Variants in WDR88 observed in about 807,000 individuals in gnomAD.
WDR88 encodes WD repeat domain 88, also known as WD repeat-containing protein 88.
WDR88 carries 40 observed loss-of-function variants against 46.8 expected under a neutral mutation model. The ratio of observed to expected loss-of-function variants is 0.86; its 90% CI spans 0.66 to 1.11. WDR88 has a LOEUF of 1.11. Among genes scored for constraint, WDR88 ranks in the 50% most tolerant of loss-of-function variants. The pLI, the probability that WDR88 is intolerant of heterozygous loss-of-function variation, is 0.00. For missense variants in WDR88, 562 were observed against 602.4 expected (o/e 0.93, Z 0.70); for synonymous variants, 235 against 240.7 (o/e 0.98, Z 0.22).
chr19:33,161,872 T>TGG (rs1353783985), intron 8 of WDR88, among the ~76,000 whole-genome samples: 1 of 152,154 alleles, frequency 6.6e-6, no homozygotes, highest in East Asian at 1.9e-4. Flanking sequence ...GGCTGAGGCA[T>TGG]AAGAATCTCT....
intron 1 of WDR88, among the ~76,000 whole-genome samples, chr19:33,135,566 T>C (rs1318288501): frequency 6.6e-6 from 1 of 151,938 alleles, no homozygotes; most frequent in Admixed American, 6.6e-5. Context: ...TACAGGCATG[T>C]GCCACCATGC....
chr19:33,165,901 CAAAAA>C (rs34888884), intron 9 of WDR88, among the ~76,000 whole-genome samples: 5 of 109,160 alleles, frequency 4.6e-5, no homozygotes, highest in African/African-American at 1.2e-4. Flanking sequence ...AACTCTGTCT[CAAAAA>C]AAAAAAAAAA....
intron 1 of WDR88, among the ~76,000 whole-genome samples, chr19:33,134,175 C>G (rs1234441099): frequency 6.6e-6 from 1 of 152,122 alleles, no homozygotes; most frequent in African/African-American, 2.4e-5. Context: ...ACCCCTTTAC[C>G]TAGTGGATCC....
chr19:33,164,342 A>G, intron 9 of WDR88, 77 bp downstream of exon 9: 2 of 1,427,872 alleles, frequency 1.4e-6, no homozygotes, highest in Non-Finnish European at 2.0e-6. Flanking sequence ...GCCAAGTATA[A>G]AATTCCTGGG....
chr19:33,148,736 G>A, intron 4 of WDR88, 36 bp from the exon 5 acceptor site: 1 of 1,613,678 alleles, frequency 6.2e-7, no homozygotes. Flanking sequence ...ACCACACCTG[G>A]CTTAAAACAA....
chr19:33,167,968 T>C (rs963098328), intron 9 of WDR88, among the ~76,000 whole-genome samples: 7 of 151,758 alleles, frequency 4.6e-5, no homozygotes, highest in Non-Finnish European at 8.8e-5. Flanking sequence ...TCTGCCCACC[T>C]TGGCCTCTCA....
chr19:33,147,570 T>C, intron 3 of WDR88, 75 bp from the exon 4 acceptor site: 1 of 1,476,394 alleles, frequency 6.8e-7, no homozygotes, highest in South Asian at 1.2e-5. Context: ...ACCACTGCAC[T>C]CCAGCTGGGG....
intron 2 of WDR88, among the ~76,000 whole-genome samples, chr19:33,140,187 C>T (rs146721633): frequency 0.014 from 2,141 of 152,284 alleles, 52 homozygotes; most frequent in African/African-American, 0.049. Context: ...CAGAGTCTTT[C>T]TCTGTCACCC....
At chr19:33,155,569 G>A (rs1290008677) in intron 6 of WDR88, among the ~76,000 whole-genome samples, 1 of 152,168 alleles carries the variant, frequency 6.6e-6, no homozygotes, top group Non-Finnish European at 1.5e-5. Flanking sequence ...AGAGGAGTAA[G>A]TAAGAGAGGG....
In WDR88 at chr19:33,132,248, G is replaced by A. The variant is rs1220216842; in HGVS notation, c.79G>A (p.Glu27Lys). 1 of 1,612,476 alleles carries A rather than the reference G, an allele frequency of 6.2e-7. No individual in the cohort carries two copies. The highest frequency in any genetic ancestry group is 2.2e-5 in the East Asian group (1 of 44,866). The change falls in exon 1 of 11, where the codon GAG becomes AAG. Residue 27 changes from glutamate to lysine, a missense_variant. Transcript: ENST00000355868. ...KLPPPSAPAS[E>K]YCPGKLSWGT... Reference sequence around the variant, plus strand: ...GCCGCCACCCTCCGCCCCCGCCAGCGAGTATTGTCCCGGCAAGCTGTCCTG... The same window carrying A: ...GCCGCCACCCTCCGCCCCCGCCAGCAAGTATTGTCCCGGCAAGCTGTCCTG...
intron 3 of WDR88, among the ~76,000 whole-genome samples, chr19:33,147,310 A>G (rs1209664585): frequency 1.3e-5 from 2 of 151,872 alleles, no homozygotes; most frequent in Admixed American, 1.3e-4. Flanking sequence ...TGTTGTTAAG[A>G]ATCAATGTTT....
intron 3 of WDR88, 97 bp downstream of exon 3, chr19:33,145,029 T>C (rs1973483625): frequency 2.6e-6 from 3 of 1,152,560 alleles, no homozygotes; most frequent in Admixed American, 4.0e-5. Context: ...TTTTAAGTAA[T>C]AGATATGGGG....
intron 8 of WDR88, among the ~76,000 whole-genome samples, chr19:33,162,161 C>T (rs1568369371): frequency 6.6e-6 from 1 of 152,196 alleles, no homozygotes; most frequent in Non-Finnish European, 1.5e-5. Flanking sequence ...CATTCAGTGT[C>T]TGAGGCAGCA....
intron 9 of WDR88, among the ~76,000 whole-genome samples, chr19:33,166,764 T>TC (rs1973960950): frequency 4.2e-3 from 1 of 238 alleles, no homozygotes; most frequent in African/African-American, 0.013. Flanking sequence ...ATACAAAAAA[T>TC]AGCTAGGAGT....
At chr19:33,169,670 A>G in intron 9 of WDR88, among the ~76,000 whole-genome samples, 1 of 143,502 alleles carries the variant, frequency 7.0e-6, no homozygotes, top group Non-Finnish European at 1.5e-5. Flanking sequence ...CAGTCTCAAA[A>G]AAAAAAAAAA....
intron 10 of WDR88, among the ~76,000 whole-genome samples, chr19:33,173,750 G>A (rs1266306865): frequency 6.6e-6 from 1 of 152,262 alleles, no homozygotes; most frequent in East Asian, 1.9e-4. Flanking sequence ...CCTAGGGCAA[G>A]GCCTGGGAGC....
At chr19:33,151,104 C>G in intron 5 of WDR88, 77 bp from the exon 6 acceptor site, 1 of 1,515,214 alleles carries the variant, frequency 6.6e-7, no homozygotes, top group Non-Finnish European at 9.0e-7. Context: ...TCGTCACTGG[C>G]TGGGGAAGTC....
intron 10 of WDR88, chr19:33,174,271 C>T (rs544333180): frequency 7.8e-6 from 12 of 1,534,690 alleles, no homozygotes; most frequent in Non-Finnish European, 1.0e-5. Context: ...AAGCCTGAGG[C>T]CAGGCTTCCC....
intron 6 of WDR88, among the ~76,000 whole-genome samples, chr19:33,155,052 G>C (rs991136100): frequency 7.2e-5 from 11 of 152,128 alleles, no homozygotes; most frequent in Non-Finnish European, 1.5e-4. Flanking sequence ...AAGACATTGA[G>C]GGTTACAAAC....
Sources: gnomAD v4.1 joint callset for allele counts (sites outside exome capture counted in the v4.1 genomes callset) on GRCh38, gnomAD v4.1.1 for gene constraint, MANE v1.5 for transcripts, NCBI Gene and HGNC (gene_info 2026-07-23, HGNC 2026-07-21) for gene names.